TRPM6: variants seen among roughly 807,000 people sequenced by gnomAD.
TRPM6 encodes the protein transient receptor potential cation channel subfamily M member 6.
Under a neutral mutation model 247.6 loss-of-function variants are expected in TRPM6, and 111 were observed. That is an observed-to-expected ratio of 0.45 (90% CI 0.38 to 0.52). The LOEUF is 0.52. TRPM6 is among the 20% of genes least tolerant of loss of function. The probability of loss-of-function intolerance (pLI) is 0.00; values close to 1 mark genes in which losing one functional copy is unlikely to be tolerated. For missense variants in TRPM6, 2,126 were observed against 2,421.5 expected, an observed-to-expected ratio of 0.88 and a Z score of 2.56; for synonymous variants, 892 against 853.8, an observed-to-expected ratio of 1.04 and a Z score of -0.78.
At chr9:74,879,576 G>A (rs571823437) in intron 1 of TRPM6, among the ~76,000 whole-genome samples, 5 of 152,068 alleles carry the variant, frequency 3.3e-5, no homozygotes, top group Non-Finnish European at 7.4e-5. Flanking sequence ...CTGATTGTGG[G>A]CCTTAAGTCC....
chr9:74,838,260 A>G (rs1459590023), intron 5 of TRPM6, among the ~76,000 whole-genome samples: 2 of 152,206 alleles, frequency 1.3e-5, no homozygotes, highest in Non-Finnish European at 2.9e-5. Context: ...CTGTCTTTTC[A>G]ATGAATTATG....
chr9:74,822,055 GC>G (rs1470482940), intron 7 of TRPM6, among the ~76,000 whole-genome samples: 3 of 152,122 alleles, frequency 2.0e-5, no homozygotes, highest in Non-Finnish European at 4.4e-5. Context: ...GCATCTTCAA[GC>G]TTTTACCAGG....
chr9:74,786,601 G>A (rs144440238), intron 20 of TRPM6, among the ~76,000 whole-genome samples: 2,233 of 152,108 alleles, frequency 0.015, 37 homozygotes, highest in African/African-American at 0.041. Context: ...TTAGCCGGGC[G>A]TGGTTGCGGG....
chr9:74,742,641 A>C lies in TRPM6; in HGVS notation c.5135-15T>G. The C allele has an allele frequency of 6.2e-7, 1 of 1,613,034 alleles. No homozygotes were observed. Among genetic ancestry groups the C allele is most frequent in the Non-Finnish European group, 8.5e-7 (1 of 1,179,472 alleles). On this transcript the variant is annotated splice_polypyrimidine_tract_variant and intron_variant, in intron 32 of 38. Transcript: ENST00000360774. The stretch of plus-strand genomic sequence containing the variant: ...CCTTTCAATGGCTGCAAACAAAAAC[A>C]GATTTTCTATTTTAAGTATGCATCA...
At position 74,723,076 on chromosome 9, in the gene TRPM6, T is replaced by C. The variant is rs1028798294; in HGVS notation, c.*1537A>G. On this transcript the variant is annotated 3_prime_UTR_variant, in exon 39 of 39. Transcript: ENST00000360774. ...ACTCCCAGCCCCACATCTCTCCTTG[T>C]GTGAAAAGCTGGTGCTTGTTCGAGG... 6.6e-6 allele frequency: 1 copy of C among 152,156 alleles called. No homozygotes were observed. The highest frequency in any genetic ancestry group is 1.5e-5 in the Non-Finnish European group (1 of 68,034). 9.4% of individuals were successfully genotyped at this position (152,156 alleles called of 1,614,324 possible). A position where few individuals can be genotyped will look rare whatever the true frequency, so the allele number is the denominator to read the frequency against.
At chr9:74,804,507 G>C in intron 14 of TRPM6, 2 of 707,640 alleles carry the variant, frequency 2.8e-6, no homozygotes, top group South Asian at 2.9e-5. Flanking sequence ...CAGAGATCCT[G>C]AAGAGATTGA....
At chr9:74,786,887 T>G (rs954371211) in intron 20 of TRPM6, among the ~76,000 whole-genome samples, 4 of 152,148 alleles carry the variant, frequency 2.6e-5, no homozygotes, top group African/African-American at 9.7e-5. Context: ...TTTAGTGAGT[T>G]GTTGACAAAC....
At chr9:74,742,971 G>C (rs753466871) in intron 32 of TRPM6, among the ~76,000 whole-genome samples, 1 of 152,006 alleles carries the variant, frequency 6.6e-6, no homozygotes, top group African/African-American at 2.4e-5. Context: ...TTTCCTTTCC[G>C]AAGCAAATCC....
chr9:74,859,835 G>C (rs1454151986), intron 1 of TRPM6, among the ~76,000 whole-genome samples: 1 of 151,646 alleles, frequency 6.6e-6, no homozygotes, highest in Non-Finnish European at 1.5e-5. Context: ...TATTAGAACA[G>C]AGATGAAAGG....
At chr9:74,822,469 G>C (rs1829165852) in intron 7 of TRPM6, among the ~76,000 whole-genome samples, 1 of 149,028 alleles carries the variant, frequency 6.7e-6, no homozygotes, top group African/African-American at 2.5e-5. Context: ...TGCTCAGGTT[G>C]ATCTCAAGCT....
Position 74,724,751 on chromosome 9 carries a change from A to G in TRPM6, c.5936-5T>C. On this transcript the variant is annotated splice_region_variant and splice_polypyrimidine_tract_variant and intron_variant, in intron 38 of 38. Transcript: ENST00000360774. Reference sequence around the variant, plus strand: ...AATAGTCATTTCTTTTTAAATCTGCAAGGAGGACAAGTAAAAAGGTTATAG... The same window carrying G: ...AATAGTCATTTCTTTTTAAATCTGCGAGGAGGACAAGTAAAAAGGTTATAG... 1 of 1,614,088 alleles carries G rather than the reference A, an allele frequency of 6.2e-7. No homozygotes were observed. The highest frequency in any genetic ancestry group is 1.1e-5 in the South Asian group (1 of 91,088).
rs1478111642 is a variant in TRPM6 at position 74,800,424 on chromosome 9, T to C, written c.2068A>G (p.Met690Val). ...TCATACGTCAACAGCGTCATGGCCA[T>C]GCGCTCATTCTGCTTGAATGCCTTC... The part of the protein sequence containing the change: ...LEKAFKQNER[M>V]AMTLLTYELR... The change falls in exon 17 of 39, where the codon ATG (methionine) becomes GTG (valine). Residue 690 changes from methionine (M) to valine (V), a missense_variant. Met to Val is a conservative substitution (Grantham distance 21). Coordinates refer to ENST00000360774, the MANE Select transcript of TRPM6 (RefSeq NM_017662.5). 1 of 1,614,050 alleles carries C rather than the reference T, an allele frequency of 6.2e-7. No individual in the cohort carries two copies. The highest frequency in any genetic ancestry group is 1.7e-5 in the Admixed American group (1 of 59,996).
chr9:74,856,047 G>A (rs958212534), intron 2 of TRPM6, among the ~76,000 whole-genome samples: 2 of 152,024 alleles, frequency 1.3e-5, no homozygotes, highest in South Asian at 2.1e-4. Flanking sequence ...TATCAAATAA[G>A]GGACATTTGG....
Position 74,834,023 on chromosome 9 carries a change from T to TTC in TRPM6, c.642_643dup (p.Asn215ArgfsTer50). 1 of 1,614,124 alleles carries TTC rather than the reference T, an allele frequency of 6.2e-7. No homozygotes were observed. The highest frequency in any genetic ancestry group is 8.5e-7 in the Non-Finnish European group (1 of 1,179,982). ...ATCTTTTCCAATAAGGTCTCTCTGG[T>TTC]TCTCAATGACACCCCAAGGAGGGAT... is the stretch of plus-strand genomic sequence containing the variant. On this transcript the variant is annotated frameshift_variant, in exon 6 of 39. Transcript: ENST00000360774. LOFTEE classifies it high-confidence loss of function.
At chr9:74,744,562 T>G (rs1825972362) in intron 31 of TRPM6, among the ~76,000 whole-genome samples, 1 of 152,150 alleles carries the variant, frequency 6.6e-6, no homozygotes, top group African/African-American at 2.4e-5. Flanking sequence ...ACTACTTCAC[T>G]GACCTAAAAT....
At position 74,752,435 on chromosome 9, in the gene TRPM6, A is replaced by G. The variant is rs75190527; in HGVS notation, c.4907-67T>C. 1.3e-4 allele frequency: 115 copies of G among 911,818 alleles called. No homozygotes were observed. In the East Asian group the frequency reaches 3.0e-3, roughly 23 times the overall value. The allele number at this position is 911,818 out of a possible 1,614,324, so 56.5% of individuals were successfully genotyped here. A position where few individuals can be genotyped will look rare whatever the true frequency, so the allele number is the denominator to read the frequency against. Reference sequence around the variant, plus strand: ...GTGTTACATTCAAATCACAGTTCCCAAATAGAAAAATCTGAACACAGTACA... The same window carrying G: ...GTGTTACATTCAAATCACAGTTCCCGAATAGAAAAATCTGAACACAGTACA... On this transcript the variant is annotated intron_variant, in intron 28 of 38. Coordinates refer to ENST00000360774, the MANE Select transcript of TRPM6 (RefSeq NM_017662.5).
Position 74,754,253 on chromosome 9 carries a change from C to T in TRPM6, c.4906+1100G>A, listed in dbSNP as rs117246686. On this transcript the variant is annotated intron_variant, in intron 28 of 38. Transcript: ENST00000360774. ...GCTATATCTATAAATTGAGGGGGTG[C>T]TGACTAATTTAATCTCTAAATGTCT... Among the ~76,000 whole-genome samples, 946 of 152,250 alleles carry T rather than the reference C, an allele frequency of 6.2e-3. 7 individuals are homozygous for T. The highest frequency in any genetic ancestry group is 8.8e-3 in the Non-Finnish European group (598 of 68,024).
intron 1 of TRPM6, among the ~76,000 whole-genome samples, chr9:74,875,801 T>C (rs1049703082): frequency 6.6e-5 from 10 of 152,214 alleles, no homozygotes; most frequent in African/African-American, 2.4e-4. Context: ...CGTTTTCTTT[T>C]GTTTTAAAAT....
intron 1 of TRPM6, among the ~76,000 whole-genome samples, chr9:74,872,764 G>A (rs767513655): frequency 9.2e-5 from 14 of 152,020 alleles, no homozygotes; most frequent in Non-Finnish European, 2.1e-4. Flanking sequence ...GCCACTGCGC[G>A]GAACCTGATT....
Sources: gnomAD v4.1 joint callset for allele counts (sites outside exome capture counted in the v4.1 genomes callset) on GRCh38, gnomAD v4.1.1 for gene constraint, MANE v1.5 for transcripts, NCBI Gene and HGNC (gene_info 2026-07-23, HGNC 2026-07-21) for gene names.